HTR7: variants seen among roughly 807,000 people sequenced by gnomAD.
HTR7 encodes the protein 5-HT-7.
HTR7 carries 16 observed loss-of-function variants against 34.0 expected under a neutral mutation model. The observed-to-expected ratio is 0.47, with a 90% CI of 0.32 to 0.71. The LOEUF (loss-of-function observed/expected upper bound fraction) is 0.71, where lower values mean the gene tolerates loss of function less well. HTR7 is among the 30% of genes least tolerant of loss of function. HTR7 has a pLI of 0.04. For missense variants in HTR7, 504 were observed against 625.5 expected, an observed-to-expected ratio of 0.81 and a Z score of 2.07; for synonymous variants, 265 against 260.2, an observed-to-expected ratio of 1.02 and a Z score of -0.18.
rs528850721 is a variant in HTR7, at chr10:90,767,695, T to C, written c.540-18101A>G. ...GCTTCCACCTTTACTGCTTGGAAAATTCCCCCTGCATTTAGCTGGTATTTG... is the reference window on the plus strand; with the variant it reads ...GCTTCCACCTTTACTGCTTGGAAAACTCCCCCTGCATTTAGCTGGTATTTG... On this transcript the variant is annotated intron_variant, in intron 1 of 3. Transcript: ENST00000336152. Among the ~76,000 whole-genome samples, 8 of 152,200 alleles carry C rather than the reference T, an allele frequency of 5.3e-5. No homozygotes were observed. The South Asian group carries it at 1.0e-3, about 20-fold the overall frequency.
chr10:90,788,888 A>C (rs1845422648), intron 1 of HTR7, among the ~76,000 whole-genome samples: 1 of 152,182 alleles, frequency 6.6e-6, no homozygotes, highest in African/African-American at 2.4e-5. Context: ...CTGCACTTCT[A>C]GTCCCCACTT....
chr10:90,784,198 G>T (rs184280080), intron 1 of HTR7, among the ~76,000 whole-genome samples: 72 of 152,192 alleles, frequency 4.7e-4, no homozygotes, highest in African/African-American at 1.5e-3. Context: ...AAATCCTTTC[G>T]TTATCTTAAA....
intron 1 of HTR7, among the ~76,000 whole-genome samples, chr10:90,781,490 A>T (rs113518182): frequency 1.3e-5 from 2 of 152,218 alleles, no homozygotes; most frequent in African/African-American, 2.4e-5. Context: ...CACAAGATCC[A>T]GAAGACATCA....
At chr10:90,764,560 T>C (rs1226704000) in intron 1 of HTR7, among the ~76,000 whole-genome samples, 2 of 152,214 alleles carry the variant, frequency 1.3e-5, no homozygotes, top group African/African-American at 4.8e-5. Flanking sequence ...ACAGTTTTTT[T>C]TCAGTGGAGT....
intron 1 of HTR7, among the ~76,000 whole-genome samples, chr10:90,778,469 G>T (rs1201154707): frequency 6.6e-6 from 1 of 152,062 alleles, no homozygotes; most frequent in African/African-American, 2.4e-5. Context: ...CAGCAAGAAG[G>T]CCTTCACCAG....
At position 90,857,626 on chromosome 10, in the gene HTR7, G is replaced by A. The variant is rs1191580382; in HGVS notation, c.46C>T (p.Leu16Phe). 3 of 1,598,288 alleles carry A rather than the reference G, an allele frequency of 1.9e-6. No individual in the cohort carries two copies. In the African/African-American group the frequency reaches 4.0e-5, roughly 21 times the overall value. Residue 16 changes from leucine (L) to phenylalanine (F), a missense_variant, in exon 1 of 4, where the codon CTC becomes TTC. Leu to Phe is a conservative substitution (Grantham distance 22). Transcript: ENST00000336152. This position sits in a 1 kb window ranked among gnomAD's most constrained non-coding sequence, Gnocchi z 6.5. ...SSGRPDLYGH[L>F]RSFLLPEVGR... Reference sequence around the variant, plus strand: ...ACTTCTGGCAGAAGGAAAGAGCGGAGGTGCCCGTAGAGGTCCGGGCGGCCG... The same window carrying A: ...ACTTCTGGCAGAAGGAAAGAGCGGAAGTGCCCGTAGAGGTCCGGGCGGCCG...
At chr10:90,795,482 A>G (rs953529032) in intron 1 of HTR7, among the ~76,000 whole-genome samples, 3 of 152,238 alleles carry the variant, frequency 2.0e-5, no homozygotes, top group Non-Finnish European at 4.4e-5. Flanking sequence ...AACAAATGAT[A>G]AAGGTAGAAG....
In HTR7 at chr10:90,858,013, G is replaced by A. The variant is rs918711968; in HGVS notation, c.-342C>T. On this transcript the variant is annotated 5_prime_UTR_variant, in exon 1 of 4. Coordinates refer to ENST00000336152, the MANE Select transcript of HTR7 (RefSeq NM_019859.4). Reference sequence around the variant, plus strand: ...GCTCGGCTGCGCCGAGAGCGCCCGGGCGGCAGCGGCAGAAGTTGCGGAGTG... The same window carrying A: ...GCTCGGCTGCGCCGAGAGCGCCCGGACGGCAGCGGCAGAAGTTGCGGAGTG... 1.3e-5 allele frequency among the ~76,000 whole-genome samples: 2 copies of A among 149,530 alleles called. No homozygotes were observed. Among genetic ancestry groups the A allele is most frequent in the African/African-American group, 2.4e-5 (1 of 41,078 alleles).
chr10:90,827,770 C>A (rs773266347), intron 1 of HTR7, among the ~76,000 whole-genome samples: 17 of 152,172 alleles, frequency 1.1e-4, no homozygotes, highest in Non-Finnish European at 2.4e-4. Flanking sequence ...AACCCCAATA[C>A]AATGATAGCA....
At position 90,749,597 on chromosome 10, in the gene HTR7, A is replaced by T; in HGVS notation, c.540-3T>A. On this transcript the variant is annotated splice_region_variant and splice_polypyrimidine_tract_variant and intron_variant, in intron 1 of 3. Coordinates refer to ENST00000336152, the MANE Select transcript of HTR7 (RefSeq NM_019859.4). The surrounding 1 kb of genome is among the most constrained non-coding windows in gnomAD (Gnocchi z 4.2). ...GGGGCCTTGTGATCCCAAGGTACCTAGTGGAGAGATGGAAAGATAACAGAT... is the reference window on the plus strand; with the variant it reads ...GGGGCCTTGTGATCCCAAGGTACCTTGTGGAGAGATGGAAAGATAACAGAT... 1 of 1,601,618 alleles carries T rather than the reference A, an allele frequency of 6.2e-7. No homozygotes were observed. The highest frequency in any genetic ancestry group is 8.5e-7 in the Non-Finnish European group (1 of 1,172,598).
intron 1 of HTR7, among the ~76,000 whole-genome samples, chr10:90,794,961 T>C (rs1240338272): frequency 6.6e-6 from 1 of 152,216 alleles, no homozygotes; most frequent in Non-Finnish European, 1.5e-5. Context: ...ATCATAATCT[T>C]ATGGAACCAC....
At chr10:90,808,477 C>T (rs1335010125) in intron 1 of HTR7, among the ~76,000 whole-genome samples, 8 of 152,060 alleles carry the variant, frequency 5.3e-5, no homozygotes, top group Admixed American at 5.2e-4. Flanking sequence ...CTCTGCGCCC[C>T]GATCCCTTAT....
intron 1 of HTR7, among the ~76,000 whole-genome samples, chr10:90,828,419 C>A (rs1390316498): frequency 6.6e-6 from 1 of 152,024 alleles, no homozygotes; most frequent in East Asian, 1.9e-4. Context: ...AAAATGAAAT[C>A]TTGGTTTTCT....
chr10:90,842,913 A>AT (rs1846351879), intron 1 of HTR7, among the ~76,000 whole-genome samples: 1 of 152,118 alleles, frequency 6.6e-6, no homozygotes, highest in Non-Finnish European at 1.5e-5. Flanking sequence ...TGTTCTCATG[A>AT]GGCCATCCCT....
intron 1 of HTR7, among the ~76,000 whole-genome samples, chr10:90,771,982 A>G (rs1428877545): frequency 6.6e-6 from 1 of 152,186 alleles, no homozygotes; most frequent in Admixed American, 6.5e-5. Context: ...TTTTTAAAAT[A>G]ACTTTTTTTT....
At chr10:90,784,109 T>C (rs1564680683) in intron 1 of HTR7, among the ~76,000 whole-genome samples, 1 of 152,194 alleles carries the variant, frequency 6.6e-6, no homozygotes, top group Non-Finnish European at 1.5e-5. Flanking sequence ...TGTCACAAAA[T>C]ACACCACATA....
chr10:90,754,512 G>A (rs1844800973), intron 1 of HTR7, among the ~76,000 whole-genome samples: 2 of 152,102 alleles, frequency 1.3e-5, no homozygotes, highest in Admixed American at 1.3e-4. Flanking sequence ...TGCTTATAAA[G>A]CCTTCAAAAT....
intron 1 of HTR7, among the ~76,000 whole-genome samples, chr10:90,797,554 T>C (rs541679849): frequency 6.6e-6 from 1 of 152,360 alleles, no homozygotes; most frequent in South Asian, 2.1e-4. Flanking sequence ...TTCCATTCTT[T>C]GCATTTTGGG....
intron 1 of HTR7, among the ~76,000 whole-genome samples, chr10:90,820,314 T>C (rs984158013): frequency 6.6e-6 from 1 of 152,178 alleles, no homozygotes; most frequent in African/African-American, 2.4e-5. Flanking sequence ...TTAGTTGTTG[T>C]TGGCAGGGAA....
Sources: gnomAD v4.1 joint callset for allele counts (sites outside exome capture counted in the v4.1 genomes callset) on GRCh38, gnomAD v4.1.1 for gene constraint, Gnocchi (gnomAD v3.1) non-coding constraint, MANE v1.5 for transcripts, NCBI Gene and HGNC (gene_info 2026-07-23, HGNC 2026-07-21) for gene names.